The following RGPD5 variants were observed in gnomAD, a reference collection of about 807,000 sequenced individuals.
The protein encoded by RGPD5 is RANBP2 like and GRIP domain containing 5, also known as RANBP2-like and GRIP domain-containing protein 5/6.
the RGPD5 span, among the ~76,000 whole-genome samples, chr2:109,763,961 A>T: frequency 6.9e-6 from 1 of 145,194 alleles, no homozygotes; most frequent in Non-Finnish European, 1.5e-5. Flanking sequence ...GAATATAATC[A>T]ATATACACAA....
the RGPD5 span, among the ~76,000 whole-genome samples, chr2:109,767,548 A>G: frequency 6.8e-6 from 1 of 146,720 alleles, no homozygotes; most frequent in Non-Finnish European, 1.5e-5. Flanking sequence ...CACAGTGTTT[A>G]TATCAGAGTA....
At chr2:109,799,189 A>T in intron 1 of RGPD5, among the ~76,000 whole-genome samples, 1 of 93,482 alleles carries the variant, frequency 1.1e-5, no homozygotes, top group Non-Finnish European at 2.0e-5. Flanking sequence ...CAGTGAGCTG[A>T]GATCGAGCCA....
At chr2:109,760,626 A>T in the RGPD5 span, among the ~76,000 whole-genome samples, 2 of 140,190 alleles carry the variant, frequency 1.4e-5, no homozygotes, top group Non-Finnish European at 1.5e-5. Flanking sequence ...GCTGGGATGC[A>T]CCTTGAGCGG....
At chr2:109,767,316 A>G in the RGPD5 span, among the ~76,000 whole-genome samples, 1 of 149,850 alleles carries the variant, frequency 6.7e-6, no homozygotes, top group African/African-American at 2.4e-5. Flanking sequence ...AGAGGTTGGT[A>G]GCTTTTCTTA....
chr2:109,767,196 T>A, the RGPD5 span, among the ~76,000 whole-genome samples: 1 of 142,214 alleles, frequency 7.0e-6, no homozygotes, highest in South Asian at 2.4e-4. Flanking sequence ...AAATGTCTCT[T>A]TTTCATAAAC....
chr2:109,766,099 C>T, the RGPD5 span, among the ~76,000 whole-genome samples: 3 of 150,316 alleles, frequency 2.0e-5, no homozygotes, highest in Non-Finnish European at 3.0e-5. Context: ...TGCAGAGCTG[C>T]GTGTACTCAC....
the RGPD5 span, among the ~76,000 whole-genome samples, chr2:109,762,183 G>A: frequency 7.0e-6 from 1 of 142,438 alleles, no homozygotes; most frequent in Non-Finnish European, 1.5e-5. Context: ...AAACTTTTAC[G>A]TATTGCACTG....
chr2:109,770,004 C>T, the RGPD5 span, among the ~76,000 whole-genome samples: 1 of 115,404 alleles, frequency 8.7e-6, no homozygotes, highest in African/African-American at 3.6e-5. Flanking sequence ...TAAGAAAATA[C>T]AGTTTACTAT....
the RGPD5 span, among the ~76,000 whole-genome samples, chr2:109,767,117 G>A: frequency 6.1e-4 from 88 of 143,592 alleles, 1 homozygote; most frequent in African/African-American, 2.2e-3. Flanking sequence ...AGGTTGTGAC[G>A]TTAAGTAATA....
chr2:109,763,171 TA>T, the RGPD5 span, among the ~76,000 whole-genome samples: 1 of 149,984 alleles, frequency 6.7e-6, no homozygotes, highest in Non-Finnish European at 1.5e-5. Context: ...TTTGAACTGT[TA>T]AATGACTTTA....
chr2:109,769,279 CCTT>C, the RGPD5 span, among the ~76,000 whole-genome samples: 12 of 120,046 alleles, frequency 1.0e-4, 4 homozygotes, highest in South Asian at 5.5e-4. Flanking sequence ...GCTCGGCCAA[CCTT>C]CTTCTCTCCG....
At chr2:109,761,963 A>G in the RGPD5 span, among the ~76,000 whole-genome samples, 12 of 150,512 alleles carry the variant, frequency 8.0e-5, no homozygotes, top group Non-Finnish European at 1.5e-4. Flanking sequence ...TAACTCATAT[A>G]GATGATATGT....
At chr2:109,766,490 T>TATAA in the RGPD5 span, among the ~76,000 whole-genome samples, 1 of 150,600 alleles carries the variant, frequency 6.6e-6, no homozygotes, top group African/African-American at 2.4e-5. Context: ...GATAGGTTTT[T>TATAA]AACCAAATGT....
At chr2:109,766,607 C>CT in the RGPD5 span, among the ~76,000 whole-genome samples, 1 of 150,222 alleles carries the variant, frequency 6.7e-6, no homozygotes, top group Non-Finnish European at 1.5e-5. Context: ...TGCTAAGAAT[C>CT]TATTTTGGGA....
At chr2:109,778,500 T>G in the RGPD5 span, among the ~76,000 whole-genome samples, 3 of 150,028 alleles carry the variant, frequency 2.0e-5, no homozygotes, top group Non-Finnish European at 4.4e-5. Flanking sequence ...ATTGGACAAC[T>G]CCAGAAGACC....
At chr2:109,762,015 TTTA>T in the RGPD5 span, among the ~76,000 whole-genome samples, 1 of 145,816 alleles carries the variant, frequency 6.9e-6, no homozygotes, top group South Asian at 2.3e-4. Flanking sequence ...TCCAGTGACT[TTTA>T]TTTTCCTAAA....
intron 1 of RGPD5, chr2:109,794,799 T>C: frequency 5.0e-6 from 1 of 201,708 alleles, no homozygotes; most frequent in Non-Finnish European, 5.9e-6. Context: ...CGGCGCTTCC[T>C]CTTAATCCCG....
At chr2:109,764,565 A>G in the RGPD5 span, among the ~76,000 whole-genome samples, 1 of 149,904 alleles carries the variant, frequency 6.7e-6, no homozygotes, top group Admixed American at 6.9e-5. Context: ...AAATGAGGAA[A>G]TTAAGACAAG....
the RGPD5 span, among the ~76,000 whole-genome samples, chr2:109,762,097 TATG>T: frequency 1.4e-5 from 2 of 144,604 alleles, no homozygotes; most frequent in Admixed American, 7.2e-5. Context: ...TAAAAGATCC[TATG>T]ATGAGTAAGT....
Sources: gnomAD v4.1 joint callset for allele counts (sites outside exome capture counted in the v4.1 genomes callset) on GRCh38, gnomAD v4.1.1 for gene constraint, MANE v1.5 for transcripts, NCBI Gene and HGNC (gene_info 2026-07-23, HGNC 2026-07-21) for gene names.